OSBP2: variants seen among roughly 807,000 people sequenced by gnomAD.
The protein encoded by OSBP2 is oxysterol binding protein 2.
A neutral mutation model predicts 96.0 loss-of-function variants in OSBP2; 66 were observed. That is an observed-to-expected ratio of 0.69 (90% CI 0.56 to 0.84). The LOEUF (loss-of-function observed/expected upper bound fraction) is 0.84, where lower values mean the gene tolerates loss of function less well. Ranked by LOEUF, OSBP2 falls within the 40% of genes least tolerant of loss-of-function variation. The probability of loss-of-function intolerance (pLI) is 0.00; values close to 1 mark genes in which losing one functional copy is unlikely to be tolerated. For synonymous variants in OSBP2, 525 were observed against 520.9 expected (o/e 1.01, Z -0.11); for missense variants, 1,038 against 1,222.7 (o/e 0.85, Z 2.25).
chr22:30,704,966 C>T (rs1602145522), intron 1 of OSBP2, among the ~76,000 whole-genome samples: 1 of 152,230 alleles, frequency 6.6e-6, no homozygotes, highest in African/African-American at 2.4e-5. Flanking sequence ...TCCTTGCAGA[C>T]ATCAGTGACA....
At chr22:30,703,480 C>CT (rs531713410) in intron 1 of OSBP2, among the ~76,000 whole-genome samples, 278 of 124,238 alleles carry the variant, frequency 2.2e-3, no homozygotes, top group South Asian at 0.011. Context: ...GGCCTTATAG[C>CT]TTTTTTTTTT....
At chr22:30,774,302 C>T (rs931582902) in intron 2 of OSBP2, among the ~76,000 whole-genome samples, 1 of 152,180 alleles carries the variant, frequency 6.6e-6, no homozygotes, top group African/African-American at 2.4e-5. Context: ...CTGGCGAAAG[C>T]CTTGCCTAGG....
intron 1 of OSBP2, among the ~76,000 whole-genome samples, chr22:30,728,334 G>A (rs1444208147): frequency 4.0e-5 from 6 of 149,974 alleles, no homozygotes; most frequent in Admixed American, 6.7e-5. Flanking sequence ...GGTGGAGCTT[G>A]CAGTGAGCCA....
At chr22:30,745,230 A>C (rs922762979) in intron 2 of OSBP2, among the ~76,000 whole-genome samples, 3 of 152,226 alleles carry the variant, frequency 2.0e-5, no homozygotes, top group African/African-American at 7.2e-5. Flanking sequence ...AAATACAAAA[A>C]AAAAATTATA....
intron 12 of OSBP2, among the ~76,000 whole-genome samples, chr22:30,896,588 TATAATAA>T (rs1354843746): frequency 6.6e-6 from 1 of 150,884 alleles, no homozygotes; most frequent in Non-Finnish European, 1.5e-5. Context: ...TATCAATGAT[TATAATAA>T]ATATAAATAG....
At chr22:30,889,068 C>T in intron 5 of OSBP2, 109 bp from the exon 6 acceptor site, 2 of 920,176 alleles carry the variant, frequency 2.2e-6, no homozygotes, top group Non-Finnish European at 3.4e-6. Context: ...CGGCAGTGAC[C>T]AGGACATTTA....
chr22:30,722,757 C>T (rs1212392854), intron 1 of OSBP2, among the ~76,000 whole-genome samples: 7 of 122,966 alleles, frequency 5.7e-5, no homozygotes, highest in Non-Finnish European at 8.7e-5. Flanking sequence ...CTCTCTCTTT[C>T]TTTTTCTTTC....
chr22:30,902,476 G>C (rs564075716), intron 12 of OSBP2: 1 of 1,582,722 alleles, frequency 6.3e-7, no homozygotes, highest in African/African-American at 1.3e-5. Flanking sequence ...AGGTGGCTTT[G>C]GATTCAGAAA....
chr22:30,816,108 G>A (rs2091080629), intron 2 of OSBP2, among the ~76,000 whole-genome samples: 2 of 151,918 alleles, frequency 1.3e-5, no homozygotes, highest in African/African-American at 4.8e-5. Context: ...GGCATTTGCT[G>A]TAAATAATTA....
chr22:30,718,032 A>G (rs2089491496), intron 1 of OSBP2, among the ~76,000 whole-genome samples: 1 of 152,194 alleles, frequency 6.6e-6, no homozygotes, highest in African/African-American at 2.4e-5. Context: ...TCCTTCAGGC[A>G]GTGGCACTTG....
chr22:30,863,657 C>G (rs2039271569), intron 2 of OSBP2, among the ~76,000 whole-genome samples: 1 of 152,158 alleles, frequency 6.6e-6, no homozygotes, highest in African/African-American at 2.4e-5. Flanking sequence ...CTTGCCCATT[C>G]CCAGTCCTGC....
In OSBP2 at chr22:30,807,706, T is replaced by A. The variant is rs570482678; in HGVS notation, c.854-62723T>A. ...GCCTCCTCCAAGCCACCTTCCTTCC[T>A]CCCCTGAGCTTCCTGAGTTTTCTTT... On this transcript the variant is annotated intron_variant, in intron 2 of 13. Coordinates refer to ENST00000332585, the MANE Select transcript of OSBP2 (RefSeq NM_030758.4). 2.3e-4 allele frequency among the ~76,000 whole-genome samples: 35 copies of A among 152,250 alleles called. 1 individual carries two copies. Among genetic ancestry groups the A allele is most frequent in the East Asian group, 1.9e-3 (10 of 5,178 alleles).
At chr22:30,770,949 A>G (rs2090339216) in intron 2 of OSBP2, among the ~76,000 whole-genome samples, 1 of 152,180 alleles carries the variant, frequency 6.6e-6, no homozygotes, top group Non-Finnish European at 1.5e-5. Flanking sequence ...TGCTTGAGTC[A>G]TCTCGGCTCA....
At chr22:30,901,400 T>C (rs2040191058) in intron 12 of OSBP2, among the ~76,000 whole-genome samples, 1 of 152,094 alleles carries the variant, frequency 6.6e-6, no homozygotes. Flanking sequence ...ACAATTAATG[T>C]AAAAATAATG....
At chr22:30,719,909 G>A (rs78665299) in intron 1 of OSBP2, among the ~76,000 whole-genome samples, 2,290 of 152,148 alleles carry the variant, frequency 0.015, 30 homozygotes, top group Middle Eastern at 0.044. Flanking sequence ...GTGCCATCAA[G>A]CCAACCATCT....
intron 2 of OSBP2, among the ~76,000 whole-genome samples, chr22:30,814,625 C>T (rs2091058224): frequency 1.3e-5 from 2 of 151,898 alleles, no homozygotes; most frequent in African/African-American, 4.8e-5. Context: ...GATGGGGTTC[C>T]ACCATGTTGG....
At chr22:30,872,434 T>A (rs906270359) in intron 3 of OSBP2, 2 of 453,492 alleles carry the variant, frequency 4.4e-6, no homozygotes, top group Admixed American at 4.7e-5. Flanking sequence ...TCTTGCACAG[T>A]CTTTTATCAG....
At chr22:30,850,818 A>G (rs1413824485) in intron 2 of OSBP2, among the ~76,000 whole-genome samples, 2 of 152,188 alleles carry the variant, frequency 1.3e-5, no homozygotes, top group African/African-American at 4.8e-5. Flanking sequence ...ATATAGATTT[A>G]AGAATTGGCT....
intron 1 of OSBP2, among the ~76,000 whole-genome samples, chr22:30,696,811 G>A (rs564679745): frequency 6.6e-6 from 1 of 152,018 alleles, no homozygotes; most frequent in Non-Finnish European, 1.5e-5. Context: ...CCGTCACCAT[G>A]CCCGGCTAAT....
Sources: gnomAD v4.1 joint callset for allele counts (sites outside exome capture counted in the v4.1 genomes callset) on GRCh38, gnomAD v4.1.1 for gene constraint, MANE v1.5 for transcripts, NCBI Gene and HGNC (gene_info 2026-07-23, HGNC 2026-07-21) for gene names.